The following REC114 variants were observed in gnomAD, a reference collection of about 807,000 sequenced individuals.
REC114 encodes REC114 meiotic recombination protein.
In REC114, 27 loss-of-function variants were observed where a neutral mutation model predicts 31.3. The observed-to-expected ratio is 0.86, with a 90% CI of 0.64 to 1.19. The LOEUF is 1.19. Ranked by LOEUF, REC114 falls within the 50% of genes most tolerant of loss-of-function variation. REC114 has a pLI of 0.00. For synonymous variants in REC114, 134 were observed against 127.7 expected (o/e 1.05, Z -0.33); for missense variants, 344 against 326.9 (o/e 1.05, Z -0.40).
intron 2 of REC114, among the ~76,000 whole-genome samples, chr15:73,488,079 T>C (rs1893396716): frequency 6.6e-6 from 1 of 152,166 alleles, no homozygotes; most frequent in Non-Finnish European, 1.5e-5. Flanking sequence ...CAAGGAACAC[T>C]GCACCAGAAT....
At chr15:73,518,375 G>C (rs75313523) in intron 2 of REC114, among the ~76,000 whole-genome samples, 5,029 of 152,230 alleles carry the variant, frequency 0.033, 311 homozygotes, top group African/African-American at 0.11. Flanking sequence ...TCTCAGCTCC[G>C]TTTTCCTCTG....
At chr15:73,522,850 C>T (rs1893954413) in intron 2 of REC114, among the ~76,000 whole-genome samples, 1 of 152,136 alleles carries the variant, frequency 6.6e-6, no homozygotes, top group Non-Finnish European at 1.5e-5. Context: ...TAAGAAACCA[C>T]CAGACTGTTT....
At chr15:73,482,063 C>T (rs148526856) in intron 2 of REC114, among the ~76,000 whole-genome samples, 14 of 152,270 alleles carry the variant, frequency 9.2e-5, no homozygotes, top group African/African-American at 2.4e-4. Flanking sequence ...TCTTGCAAAA[C>T]GAAAACTCTG....
intron 3 of REC114, among the ~76,000 whole-genome samples, chr15:73,546,818 A>G (rs955224992): frequency 5.1e-5 from 2 of 39,164 alleles, no homozygotes; most frequent in Non-Finnish European, 1.2e-4. Context: ...CTGTCTCAGG[A>G]AAAAAAAAAA....
chr15:73,450,270 T>C (rs1370222024), intron 1 of REC114, among the ~76,000 whole-genome samples: 1 of 150,022 alleles, frequency 6.7e-6, no homozygotes, highest in African/African-American at 2.5e-5. Flanking sequence ...ACACATAGGC[T>C]CAAAATAAAG....
chr15:73,497,716 G>A (rs1893548736), intron 2 of REC114, among the ~76,000 whole-genome samples: 1 of 152,150 alleles, frequency 6.6e-6, no homozygotes, highest in Non-Finnish European at 1.5e-5. Flanking sequence ...GCCACAATAG[G>A]TATTCAGAGA....
intron 3 of REC114, among the ~76,000 whole-genome samples, chr15:73,548,437 C>G (rs1396544234): frequency 6.6e-6 from 1 of 152,178 alleles, no homozygotes; most frequent in Non-Finnish European, 1.5e-5. Context: ...GTAAGACATA[C>G]ATGCAGCCAA....
chr15:73,534,868 G>T (rs1894133540), intron 2 of REC114, among the ~76,000 whole-genome samples: 1 of 144,070 alleles, frequency 6.9e-6, no homozygotes, highest in Admixed American at 6.8e-5. Context: ...TGCAAGGCTG[G>T]TTCAATATAC....
chr15:73,511,702 T>C (rs1893772651), intron 2 of REC114, among the ~76,000 whole-genome samples: 3 of 148,582 alleles, frequency 2.0e-5, no homozygotes, highest in Non-Finnish European at 4.5e-5. Flanking sequence ...TCGTTATGTA[T>C]CCAGTAGTCA....
intron 2 of REC114, among the ~76,000 whole-genome samples, chr15:73,518,890 T>G (rs1262637781): frequency 6.6e-6 from 1 of 152,320 alleles, no homozygotes; most frequent in East Asian, 1.9e-4. Flanking sequence ...AAAGAAAGGT[T>G]GTAATTATTT....
At chr15:73,520,477 C>T (rs1322069672) in intron 2 of REC114, among the ~76,000 whole-genome samples, 1 of 152,176 alleles carries the variant, frequency 6.6e-6, no homozygotes, top group Non-Finnish European at 1.5e-5. Flanking sequence ...GATCCACCCA[C>T]CTTGGCCCCC....
intron 4 of REC114, among the ~76,000 whole-genome samples, chr15:73,554,824 A>C (rs1315811416): frequency 6.6e-6 from 1 of 152,228 alleles, no homozygotes; most frequent in Admixed American, 6.5e-5. Context: ...TGTTTATGGC[A>C]GACAATTTTG....
rs1403094643 is a variant in REC114 at position 73,559,800 on chromosome 15, T to C, written c.685T>C (p.Trp229Arg). 1.2e-6 allele frequency: 2 copies of C among 1,611,306 alleles called. No individual in the cohort carries two copies. The highest frequency in any genetic ancestry group is 2.2e-5 in the East Asian group (1 of 44,774). The change falls in exon 6 of 6, where the codon TGG (tryptophan) becomes CGG (arginine). Residue 229 changes from tryptophan (W) to arginine (R), a missense_variant. Physicochemically the swap from Trp to Arg is moderately radical, Grantham distance 101. Coordinates refer to ENST00000331090, the MANE Select transcript of REC114 (RefSeq NM_001042367.2). ...GCCCCATGTCTATGAACAATCTGCA[T>C]GGGGTGCAGAAGAGTTAGGCCCCTT... ...ELPHVYEQSA[W>R]GAEELGPFLR...
chr15:73,454,154 A>T (rs1400871915), intron 1 of REC114, among the ~76,000 whole-genome samples: 1 of 152,180 alleles, frequency 6.6e-6, no homozygotes, highest in Non-Finnish European at 1.5e-5. Flanking sequence ...AAATAAATAA[A>T]TAAATAAAAG....
At chr15:73,548,959 T>G (rs946974973) in intron 3 of REC114, among the ~76,000 whole-genome samples, 4 of 152,116 alleles carry the variant, frequency 2.6e-5, no homozygotes, top group Non-Finnish European at 5.9e-5. Flanking sequence ...TTCTCACTTA[T>G]AAGTGGGAGC....
intron 2 of REC114, among the ~76,000 whole-genome samples, chr15:73,482,124 C>G (rs1893303409): frequency 6.6e-6 from 1 of 152,136 alleles, no homozygotes; most frequent in Non-Finnish European, 1.5e-5. Flanking sequence ...TTGGTAACCA[C>G]CATTCTACTT....
At chr15:73,491,918 A>G (rs1348053783) in intron 2 of REC114, among the ~76,000 whole-genome samples, 1 of 151,628 alleles carries the variant, frequency 6.6e-6, no homozygotes, top group Non-Finnish European at 1.5e-5. Context: ...AAAAAAAGTG[A>G]TTGTACCATT....
chr15:73,511,852 C>T (rs2141315067), intron 2 of REC114, among the ~76,000 whole-genome samples: 1 of 146,702 alleles, frequency 6.8e-6, no homozygotes, highest in Admixed American at 6.8e-5. Context: ...CTGAGGAGAG[C>T]TTTACTTCCA....
At chr15:73,530,761 G>A (rs1350789554) in intron 2 of REC114, among the ~76,000 whole-genome samples, 1 of 139,070 alleles carries the variant, frequency 7.2e-6, no homozygotes, top group African/African-American at 2.8e-5. Context: ...TTTTTTTTCT[G>A]TTTTCAGTGA....
Sources: allele counts gnomAD v4.1 joint callset (sites outside exome capture counted in the v4.1 genomes callset), GRCh38; gene constraint gnomAD v4.1.1; transcripts MANE v1.5; gene names NCBI Gene and HGNC (gene_info 2026-07-23, HGNC 2026-07-21).